The following ARFGAP3 variants were observed in gnomAD, a reference collection of about 807,000 sequenced individuals.
ARFGAP3 encodes ADP-ribosylation factor GTPase-activating protein 3.
ARFGAP3 carries 72 observed loss-of-function variants against 75.0 expected under a neutral mutation model. The ratio of observed to expected loss-of-function variants is 0.96; its 90% CI spans 0.79 to 1.17. The LOEUF (loss-of-function observed/expected upper bound fraction) is 1.17. Ranked by LOEUF, ARFGAP3 falls within the 50% of genes most tolerant of loss-of-function variation. The probability of loss-of-function intolerance (pLI) is 0.00; values close to 1 mark genes in which losing one functional copy is unlikely to be tolerated. For missense variants in ARFGAP3, 620 were observed against 626.6 expected (o/e 0.99, Z 0.11); for synonymous variants, 221 against 217.9 (o/e 1.01, Z -0.13).
At chr22:42,834,366 G>A in intron 4 of ARFGAP3, 41 bp from the exon 5 acceptor site, 1 of 1,600,006 alleles carries the variant, frequency 6.2e-7, no homozygotes, top group Non-Finnish European at 8.5e-7. Context: ...ATTTCATCCG[G>A]CCTGTAAAGG....
In ARFGAP3 at chr22:42,807,071, A is replaced by T. The variant is rs778183251; in HGVS notation, c.1411+2T>A. The T allele has an allele frequency of 3.1e-6, 5 of 1,608,494 alleles. No homozygotes were observed. Among genetic ancestry groups the T allele is most frequent in the Admixed American group, 1.7e-5 (1 of 59,090 alleles). On this transcript the variant is annotated splice_donor_variant, in intron 14 of 15. Coordinates refer to ENST00000263245, the MANE Select transcript of ARFGAP3 (RefSeq NM_014570.5). LOFTEE classifies it high-confidence loss of function. ...GACCAGCTCTTGTTCAGTGCCCCCT[A>T]CCTGCTGGCTGCTTCCTCGGCTCCT...
At chr22:42,814,907 T>C (rs1925513598) in intron 11 of ARFGAP3, among the ~76,000 whole-genome samples, 1 of 152,164 alleles carries the variant, frequency 6.6e-6, no homozygotes, top group Admixed American at 6.6e-5. Flanking sequence ...GCTAATATTT[T>C]TGAAATTTTT....
intron 1 of ARFGAP3, among the ~76,000 whole-genome samples, chr22:42,852,378 G>A (rs1041656567): frequency 1.3e-5 from 2 of 149,854 alleles, no homozygotes; most frequent in Admixed American, 6.7e-5. Context: ...CTTTTTTTTT[G>A]AGATAGGGTC....
In ARFGAP3 at chr22:42,817,283, T is replaced by C; in HGVS notation, c.942-19A>G. ...AATAACACTTGAGAAAACAGAAAAA[T>C]ATATATATCAGTAAGTTCACAAACT... On this transcript the variant is annotated intron_variant, in intron 10 of 15. Coordinates refer to ENST00000263245, the MANE Select transcript of ARFGAP3 (RefSeq NM_014570.5). The C allele has an allele frequency of 1.3e-6, 2 of 1,580,386 alleles. No homozygotes were observed. The highest frequency in any genetic ancestry group is 1.7e-6 in the Non-Finnish European group (2 of 1,162,644).
At chr22:42,845,019 A>ATT (rs1926950705) in intron 2 of ARFGAP3, among the ~76,000 whole-genome samples, 1 of 151,976 alleles carries the variant, frequency 6.6e-6, no homozygotes, top group Admixed American at 6.6e-5. Flanking sequence ...TCATAAAACC[A>ATT]CCCGATTTCC....
Position 42,834,254 on chromosome 22 carries a change from G to A in ARFGAP3, c.465C>T (p.His155=), listed in dbSNP as rs757516897. ...GCATAATACATACCTCAGGAGAAAC[G>A]TGAGAGGCAAAAAAATCTTCCTCCT... ...PPKEEDFFAS[H]VSPEVSDTAW... Residue 155 remains histidine (H), a synonymous_variant, in exon 5 of 16, where the codon CAC becomes CAT. Coordinates refer to ENST00000263245, the MANE Select transcript of ARFGAP3 (RefSeq NM_014570.5). 5.0e-6 allele frequency: 8 copies of A among 1,613,844 alleles called. No homozygotes were observed. The East Asian group carries it at 8.9e-5, about 18-fold the overall frequency.
rs563611812 is a variant in ARFGAP3 at position 42,845,999 on chromosome 22, T to C, written c.188+1515A>G. 6.0e-3 allele frequency among the ~76,000 whole-genome samples: 817 copies of C among 136,468 alleles called. 14 individuals carry two copies. Among genetic ancestry groups the C allele is most frequent in the Non-Finnish European group, 8.4e-3 (558 of 66,752 alleles). 89.5% of individuals were successfully genotyped at this position (136,468 alleles called of 152,430 possible). ...GTTGCAGTGAGCTGAGATCGCGCCA[T>C]TGCACTCCAGCTTGGGCGACAAGAG... On this transcript the variant is annotated intron_variant, in intron 2 of 15. Coordinates refer to ENST00000263245, the MANE Select transcript of ARFGAP3 (RefSeq NM_014570.5).
chr22:42,815,707 G>A (rs1358632874), intron 11 of ARFGAP3, among the ~76,000 whole-genome samples: 2 of 152,088 alleles, frequency 1.3e-5, no homozygotes, highest in African/African-American at 2.4e-5. Flanking sequence ...CATAAGTGAT[G>A]GAGCCTTCCA....
intron 4 of ARFGAP3, 85 bp downstream of exon 4, chr22:42,835,277 A>T: frequency 4.0e-6 from 6 of 1,485,480 alleles, no homozygotes; most frequent in Non-Finnish European, 5.5e-6. Flanking sequence ...TCAGGTAGAA[A>T]AGTTTTACTA....
intron 1 of ARFGAP3, among the ~76,000 whole-genome samples, chr22:42,850,290 G>A (rs1399634198): frequency 6.6e-6 from 1 of 151,850 alleles, no homozygotes; most frequent in East Asian, 1.9e-4. Flanking sequence ...TAGATATATA[G>A]GCTGGGTGCA....
At chr22:42,820,998 CCTGA>C (rs1925789097) in intron 9 of ARFGAP3, among the ~76,000 whole-genome samples, 2 of 152,280 alleles carry the variant, frequency 1.3e-5, no homozygotes, top group South Asian at 4.1e-4. Context: ...ACAACCACAG[CCTGA>C]CTTTAAGGTG....
At position 42,840,975 on chromosome 22, in the gene ARFGAP3, C is replaced by T. The variant is rs777834822; in HGVS notation, c.230G>A (p.Arg77Gln). 22 of 1,614,008 alleles carry T rather than the reference C, an allele frequency of 1.4e-5. No individual in the cohort carries two copies. The highest frequency in any genetic ancestry group is 2.2e-5 in the East Asian group (1 of 44,892). ...AGCGTTTCCTCCGACTTGCATGCAT[C>T]GCAACTGAAACCATGACCAGTTGGA... is the stretch of plus-strand genomic sequence containing the variant. ...LDSNWSWFQL[R>Q]CMQVGGNASA... The change falls in exon 3 of 16, where the codon CGA (arginine) becomes CAA (glutamine). Residue 77 changes from arginine to glutamine, a missense_variant. Transcript: ENST00000263245.
chr22:42,805,718 A>G (rs1847266234), intron 14 of ARFGAP3, among the ~76,000 whole-genome samples: 1 of 152,168 alleles, frequency 6.6e-6, no homozygotes, highest in South Asian at 2.1e-4. Context: ...GCTCCTGACC[A>G]AAGAGTGGCT....
chr22:42,830,644 T>C (rs1225533835), intron 6 of ARFGAP3, among the ~76,000 whole-genome samples: 1 of 152,250 alleles, frequency 6.6e-6, no homozygotes, highest in African/African-American at 2.4e-5. Context: ...TGACTACTCA[T>C]GTCACAAGTG....
At chr22:42,813,335 G>A (rs1925449189) in intron 11 of ARFGAP3, among the ~76,000 whole-genome samples, 1 of 152,194 alleles carries the variant, frequency 6.6e-6, no homozygotes, top group Admixed American at 6.5e-5. Context: ...TGAGGAGAAG[G>A]AAGGGTGTAG....
rs185415144 is a variant in ARFGAP3 at position 42,810,947 on chromosome 22, G to A, written c.1065-3C>T. 431 of 1,613,816 alleles carry A rather than the reference G, an allele frequency of 2.7e-4. No individual in the cohort carries two copies. In the African/African-American group the frequency reaches 5.3e-3, roughly 20 times the overall value. ...ACTCCACTGGCTCGTCAAAGTAACT[G>A]TAGGAGCAAGAGTACAACAGTGACT... On this transcript the variant is annotated splice_region_variant and splice_polypyrimidine_tract_variant and intron_variant, in intron 11 of 15. Coordinates refer to ENST00000263245, the MANE Select transcript of ARFGAP3 (RefSeq NM_014570.5).
chr22:42,834,518 A>C, intron 4 of ARFGAP3, 193 bp from the exon 5 acceptor site: 1 of 665,326 alleles, frequency 1.5e-6, no homozygotes, highest in South Asian at 6.7e-5. Flanking sequence ...TTTTGCTTCC[A>C]AACCTTGAGG....
At chr22:42,812,038 T>C (rs559526610) in intron 11 of ARFGAP3, among the ~76,000 whole-genome samples, 207 of 151,418 alleles carry the variant, frequency 1.4e-3, no homozygotes, top group African/African-American at 4.9e-3. Flanking sequence ...AAAAAATAAA[T>C]AAACAAATAA....
At chr22:42,805,704 G>A (rs1028908887) in intron 14 of ARFGAP3, among the ~76,000 whole-genome samples, 7 of 152,232 alleles carry the variant, frequency 4.6e-5, no homozygotes, top group African/African-American at 1.7e-4. Flanking sequence ...GAGGCACAGG[G>A]TGTGCTCCTG....
Sources: gnomAD v4.1 joint callset for allele counts (sites outside exome capture counted in the v4.1 genomes callset) on GRCh38, gnomAD v4.1.1 for gene constraint, MANE v1.5 for transcripts, NCBI Gene and HGNC (gene_info 2026-07-23, HGNC 2026-07-21) for gene names.